The following TGFB1 variants were observed in gnomAD, a reference collection of about 807,000 sequenced individuals.
TGFB1 encodes transforming growth factor beta 1.
Under a neutral mutation model 43.8 loss-of-function variants are expected in TGFB1, and 19 were observed. That is an observed-to-expected ratio of 0.43 (90% CI 0.30 to 0.64). The LOEUF (loss-of-function observed/expected upper bound fraction) is 0.64, where lower values mean the gene tolerates loss of function less well. Among genes scored for constraint, TGFB1 ranks in the 30% least tolerant of loss-of-function variants. TGFB1 has a pLI of 0.11. For synonymous variants in TGFB1, 221 were observed against 236.3 expected, an observed-to-expected ratio of 0.94 and a Z score of 0.60; for missense variants, 445 against 529.8, an observed-to-expected ratio of 0.84 and a Z score of 1.57.
In TGFB1 at chr19:41,353,350, G is replaced by A. The variant is rs2038240299; in HGVS notation, c.-306C>T. 1 of 334,238 alleles carries A rather than the reference G, an allele frequency of 3.0e-6. No individual in the cohort carries two copies. The highest frequency in any genetic ancestry group is 2.1e-5 in the African/African-American group (1 of 46,536). The allele number at this position is 334,238 out of a possible 1,614,324, so 20.7% of individuals were successfully genotyped here. ...CTGGAGGAGAAAGGGTCTAGGATGC[G>A]CGGGGGCTCAGGAGACAGGCCGGGG... On this transcript the variant is annotated 5_prime_UTR_variant, in exon 1 of 7. Transcript: ENST00000221930. This position sits in a 1 kb window ranked among gnomAD's most constrained non-coding sequence, Gnocchi z 5.9.
Position 41,352,750 on chromosome 19 carries a change from G to A in TGFB1, c.295C>T (p.Pro99Ser), listed in dbSNP as rs753186435. ...AGESAEPEPE[P>S]EADYYAKEVT... ...TCCTTGGCGTAGTAGTCGGCCTCAG[G>A]CTCGGGCTCCGGTTCTGCACTCTCC... is the stretch of plus-strand genomic sequence containing the variant. Residue 99 changes from proline to serine, a missense_variant, in exon 1 of 7, where the codon CCT (proline) becomes TCT (serine). Physicochemically the swap from Pro to Ser is moderately conservative, Grantham distance 74 (BLOSUM62 -1). Coordinates refer to ENST00000221930, the MANE Select transcript of TGFB1 (RefSeq NM_000660.7). The A allele has an allele frequency of 6.2e-7, 1 of 1,613,398 alleles. No homozygotes were observed. Among genetic ancestry groups the A allele is most frequent in the Non-Finnish European group, 8.5e-7 (1 of 1,179,734 alleles).
rs1461995750 is a variant in TGFB1 at position 41,338,044 on chromosome 19, T to C, written c.860+3839A>G. On this transcript the variant is annotated intron_variant, in intron 5 of 6. Transcript: ENST00000221930. ...CCGTCTCTACTAAAAATACAAAAAT[T>C]ACCCGGGTGCGATGGCGGATGCCTG... Among the ~76,000 whole-genome samples the C allele has an allele frequency of 6.7e-5, 10 of 150,258 alleles. No individual in the cohort carries two copies. The South Asian group carries it at 1.9e-3, about 28-fold the overall frequency.
intron 2 of TGFB1, among the ~76,000 whole-genome samples, chr19:41,345,177 A>G (rs1301134574): frequency 6.6e-6 from 1 of 152,216 alleles, no homozygotes; most frequent in African/African-American, 2.4e-5. Context: ...CTCAGCGTGG[A>G]CAGCCCACAA....
intron 6 of TGFB1, 109 bp from the exon 7 acceptor site, chr19:41,331,319 CT>C: frequency 7.7e-7 from 1 of 1,303,090 alleles, no homozygotes; most frequent in Non-Finnish European, 1.0e-6. Flanking sequence ...CACTTCGTCT[CT>C]CCCCGCATCC....
chr19:41,348,270 C>A (rs1223114504), intron 2 of TGFB1, 25 bp downstream of exon 2: 2 of 1,611,274 alleles, frequency 1.2e-6, no homozygotes, highest in Admixed American at 1.7e-5. Flanking sequence ...CATGCCCTGA[C>A]CTTCCTTCTG....
intron 3 of TGFB1, among the ~76,000 whole-genome samples, chr19:41,344,101 G>A (rs1213213445): frequency 6.7e-6 from 1 of 149,038 alleles, no homozygotes; most frequent in Non-Finnish European, 1.5e-5. Context: ...TCCCACCTCA[G>A]TCTCCCAAGC....
intron 3 of TGFB1, 31 bp from the exon 4 acceptor site, chr19:41,342,278 G>C (rs2038066181): frequency 1.3e-5 from 21 of 1,567,148 alleles, no homozygotes; most frequent in Non-Finnish European, 1.8e-5. Context: ...AAGCCAGTCT[G>C]AGAGTGCAGC....
chr19:41,338,960 T>TG (rs1443394633), intron 5 of TGFB1, among the ~76,000 whole-genome samples: 1 of 146,486 alleles, frequency 6.8e-6, no homozygotes, highest in African/African-American at 2.6e-5. Flanking sequence ...TTTGGTTGCA[T>TG]GGGGGGTACG....
At chr19:41,334,979 G>C (rs1255878010) in intron 5 of TGFB1, among the ~76,000 whole-genome samples, 1 of 151,770 alleles carries the variant, frequency 6.6e-6, no homozygotes, top group Non-Finnish European at 1.5e-5. Context: ...ATGTATTTCT[G>C]GGAAAAAGAG....
At chr19:41,334,650 C>T (rs2037970440) in intron 5 of TGFB1, among the ~76,000 whole-genome samples, 1 of 151,622 alleles carries the variant, frequency 6.6e-6, no homozygotes, top group Non-Finnish European at 1.5e-5. Context: ...TGGTGGCGGG[C>T]ACCTGTAATC....
chr19:41,331,682 G>A (rs2123079033), intron 6 of TGFB1, among the ~76,000 whole-genome samples: 1 of 145,990 alleles, frequency 6.8e-6, no homozygotes, highest in Non-Finnish European at 1.5e-5. Context: ...CCAAAGTGTT[G>A]GTATTACCAT....
chr19:41,337,027 G>A (rs1171942377), intron 5 of TGFB1, among the ~76,000 whole-genome samples: 2 of 151,350 alleles, frequency 1.3e-5, no homozygotes, highest in African/African-American at 2.4e-5. Context: ...GTGCAATCTC[G>A]GGTCACTGCA....
intron 2 of TGFB1, among the ~76,000 whole-genome samples, chr19:41,347,554 G>A (rs1324014579): frequency 1.2e-4 from 19 of 152,066 alleles, no homozygotes; most frequent in Admixed American, 1.2e-3. Flanking sequence ...GGTTCCGGGT[G>A]CAGTGGCTCA....
intron 5 of TGFB1, 80 bp from the exon 6 acceptor site, chr19:41,332,361 G>A: frequency 2.0e-6 from 3 of 1,531,710 alleles, no homozygotes; most frequent in Non-Finnish European, 2.6e-6. Context: ...CCAGGTGCGT[G>A]TGTCACCCTA....
Position 41,332,279 on chromosome 19 carries a change from G to A in TGFB1, c.863C>T (p.Ser288Phe), listed in dbSNP as rs2037942138. 6.2e-7 allele frequency: 1 copy of A among 1,613,668 alleles called. No homozygotes were observed. The highest frequency in any genetic ancestry group is 8.5e-7 in the Non-Finnish European group (1 of 1,179,806). The change falls in exon 6 of 7, where the codon TCC (serine) becomes TTC (phenylalanine). Residue 288 changes from serine to phenylalanine, a missense_variant and splice_region_variant. Transcript: ENST00000221930. ...RALDTNYCFS[S>F]TEKNCCVRQL... ...CCGCACGCAGCAGTTCTTCTCCGTG[G>A]AGCTGCAGGCAGGAGAGACGCGTCA...
chr19:41,341,845 C>T (rs543856667), intron 5 of TGFB1, 38 bp downstream of exon 5: 2 of 1,612,024 alleles, frequency 1.2e-6, no homozygotes, highest in African/African-American at 2.7e-5. Flanking sequence ...AGTCATGCCC[C>T]CAGCCTGGAA....
At chr19:41,337,714 C>T (rs2038003437) in intron 5 of TGFB1, among the ~76,000 whole-genome samples, 1 of 151,964 alleles carries the variant, frequency 6.6e-6, no homozygotes, top group African/African-American at 2.4e-5. Flanking sequence ...TCACCACTTA[C>T]AGGTGAATTT....
chr19:41,352,603 T>A (rs891852077), intron 1 of TGFB1, 87 bp downstream of exon 1: 4 of 1,493,644 alleles, frequency 2.7e-6, no homozygotes, highest in Non-Finnish European at 3.7e-6. Context: ...GCCAGTTTCT[T>A]CTGCCAGTCA....
Position 41,342,165 on chromosome 19 carries a change from C to T in TGFB1, c.712+5G>A, listed in dbSNP as rs918586190. On this transcript the variant is annotated splice_donor_5th_base_variant and intron_variant, in intron 4 of 6. Coordinates refer to ENST00000221930, the MANE Select transcript of TGFB1 (RefSeq NM_000660.7). The stretch of plus-strand genomic sequence containing the variant: ...ACTGGGCATGGCCGGGGAAGCAGGC[C>T]TCACCGTTGATGTCCACTTGCAGTG... 8 of 1,610,186 alleles carry T rather than the reference C, an allele frequency of 5.0e-6. No individual in the cohort carries two copies. Among genetic ancestry groups the T allele is most frequent in the Non-Finnish European group, 6.8e-6 (8 of 1,178,214 alleles).
Sources: allele counts gnomAD v4.1 joint callset (sites outside exome capture counted in the v4.1 genomes callset), GRCh38; gene constraint gnomAD v4.1.1; non-coding constraint Gnocchi (gnomAD v3.1); transcripts MANE v1.5; gene names NCBI Gene and HGNC (gene_info 2026-07-23, HGNC 2026-07-21).